Variants in STX8 observed in about 807,000 individuals in gnomAD.
STX8 encodes the protein syntaxin 8, also known as syntaxin-8.
A neutral mutation model predicts 37.5 loss-of-function variants in STX8; 23 were observed. The ratio of observed to expected loss-of-function variants is 0.61; its 90% CI spans 0.44 to 0.87. The LOEUF is 0.87. STX8 is among the 40% of genes least tolerant of loss of function. STX8 has a pLI of 0.00. For synonymous variants in STX8, 115 were observed against 99.1 expected, an observed-to-expected ratio of 1.16 and a Z score of -0.95; for missense variants, 313 against 284.7, an observed-to-expected ratio of 1.10 and a Z score of -0.71.
At chr17:9,312,402 C>T (rs1056604338) in intron 7 of STX8, among the ~76,000 whole-genome samples, 8 of 151,264 alleles carry the variant, frequency 5.3e-5, no homozygotes, top group African/African-American at 1.9e-4. Context: ...GGTTTCTCCA[C>T]GTTGGTCAGG....
At chr17:9,396,411 C>T (rs148070344) in intron 6 of STX8, among the ~76,000 whole-genome samples, 2,910 of 152,012 alleles carry the variant, frequency 0.019, 109 homozygotes, top group African/African-American at 0.067. Context: ...GGGCCGGGCG[C>T]AGTGGCTCAC....
At chr17:9,253,422 G>A (rs1174505257) in intron 7 of STX8, among the ~76,000 whole-genome samples, 1 of 152,110 alleles carries the variant, frequency 6.6e-6, no homozygotes, top group Admixed American at 6.5e-5. Flanking sequence ...CCCTGGGCAG[G>A]AGCTTCACTA....
intron 7 of STX8, among the ~76,000 whole-genome samples, chr17:9,372,419 C>T (rs1567801538): frequency 1.3e-5 from 2 of 152,034 alleles, no homozygotes; most frequent in Non-Finnish European, 2.9e-5. Context: ...TTTGCCTGCC[C>T]CTCTCAGGCT....
At chr17:9,350,779 C>T (rs1365387422) in intron 7 of STX8, among the ~76,000 whole-genome samples, 4 of 152,156 alleles carry the variant, frequency 2.6e-5, no homozygotes, top group Admixed American at 2.0e-4. Context: ...GTGATCCACC[C>T]GCCTTGGCCT....
intron 4 of STX8, among the ~76,000 whole-genome samples, chr17:9,506,021 T>G (rs889997735): frequency 6.6e-6 from 1 of 151,738 alleles, no homozygotes; most frequent in East Asian, 1.9e-4. Context: ...ATTTTGTGAC[T>G]ATAATGTAGC....
At chr17:9,404,391 T>A (rs1912736040) in intron 6 of STX8, among the ~76,000 whole-genome samples, 2 of 152,186 alleles carry the variant, frequency 1.3e-5, no homozygotes, top group South Asian at 4.1e-4. Flanking sequence ...CAATCCTTCT[T>A]CCACTGTTTG....
chr17:9,459,182 A>T (rs540799456), intron 6 of STX8, among the ~76,000 whole-genome samples: 1 of 152,204 alleles, frequency 6.6e-6, no homozygotes, highest in Non-Finnish European at 1.5e-5. Context: ...AGCCATTAAC[A>T]AGACATAGAG....
At chr17:9,460,628 G>A (rs1457164522) in intron 6 of STX8, among the ~76,000 whole-genome samples, 41 of 145,916 alleles carry the variant, frequency 2.8e-4, no homozygotes, top group African/African-American at 9.4e-4. Flanking sequence ...AGCCGAGATC[G>A]TGCCACTGCA....
At chr17:9,278,486 C>T (rs1907762967) in intron 7 of STX8, among the ~76,000 whole-genome samples, 1 of 151,846 alleles carries the variant, frequency 6.6e-6, no homozygotes, top group East Asian at 1.9e-4. Context: ...CTTTAGAATG[C>T]CACAGCTTCT....
At chr17:9,444,856 G>A (rs1309301574) in intron 6 of STX8, among the ~76,000 whole-genome samples, 1 of 152,184 alleles carries the variant, frequency 6.6e-6, no homozygotes, top group African/African-American at 2.4e-5. Flanking sequence ...AATTGAAACA[G>A]ACTCTTTCTT....
At chr17:9,460,888 T>C (rs977062179) in intron 6 of STX8, among the ~76,000 whole-genome samples, 1 of 151,734 alleles carries the variant, frequency 6.6e-6, no homozygotes, top group African/African-American at 2.4e-5. Flanking sequence ...AGCTGTTACA[T>C]GGGAATAATA....
At chr17:9,276,406 A>C (rs957247697) in intron 7 of STX8, among the ~76,000 whole-genome samples, 93 of 152,134 alleles carry the variant, frequency 6.1e-4, no homozygotes, top group Non-Finnish European at 1.2e-4. Context: ...AAGTTTAATT[A>C]ATATATATCC....
Position 9,569,314 on chromosome 17 carries a change from A to T in STX8, c.18-844T>A, listed in dbSNP as rs528859311. On this transcript the variant is annotated intron_variant, in intron 1 of 7. Transcript: ENST00000306357. ...TGTCAGGTGTTGATAGGTGCTAAGA[A>T]GAAAAACGCAGCAGGATAAAGGGAC... Among the ~76,000 whole-genome samples the T allele has an allele frequency of 5.3e-5, 8 of 152,344 alleles. No individual in the cohort carries two copies. The South Asian group carries it at 1.7e-3, about 32-fold the overall frequency.
At chr17:9,392,031 G>A (rs1912240576) in intron 6 of STX8, among the ~76,000 whole-genome samples, 1 of 152,192 alleles carries the variant, frequency 6.6e-6, no homozygotes. Context: ...GCACCTGTGG[G>A]ACAGACCCAA....
At chr17:9,483,387 C>T (rs1906432759) in intron 6 of STX8, among the ~76,000 whole-genome samples, 2 of 152,162 alleles carry the variant, frequency 1.3e-5, no homozygotes, top group Admixed American at 1.3e-4. Context: ...TGGGATCGCA[C>T]TTAGGGTTCA....
At position 9,435,304 on chromosome 17, in the gene STX8, G is replaced by A. The variant is rs190012645; in HGVS notation, c.541+56525C>T. Among the ~76,000 whole-genome samples the A allele has an allele frequency of 9.2e-5, 14 of 152,230 alleles. No individual in the cohort carries two copies. The East Asian group carries it at 2.1e-3, about 23-fold the overall frequency. On this transcript the variant is annotated intron_variant, in intron 6 of 7. Transcript: ENST00000306357. ...AATGTAGAAAAGTACAGATTGAAAC[G>A]TTAACATCTAAAAAAGGCTAGAGCA...
At chr17:9,551,474 A>C (rs903918040) in intron 3 of STX8, among the ~76,000 whole-genome samples, 3 of 152,176 alleles carry the variant, frequency 2.0e-5, no homozygotes, top group Non-Finnish European at 4.4e-5. Flanking sequence ...CTCAAGGAGG[A>C]CTTAGTATAT....
At chr17:9,367,158 T>TTTTTGTTTTTTTTG (rs1477141668) in intron 7 of STX8, among the ~76,000 whole-genome samples, 1 of 146,048 alleles carries the variant, frequency 6.8e-6, no homozygotes, top group Non-Finnish European at 1.5e-5. Context: ...ACAATGTGGG[T>TTTTTGTTTTTTTTG]TTTTGTTTTT....
intron 6 of STX8, among the ~76,000 whole-genome samples, chr17:9,421,591 G>C (rs1913431945): frequency 6.6e-6 from 1 of 151,108 alleles, no homozygotes; most frequent in Non-Finnish European, 1.5e-5. Context: ...CTTTTATTGA[G>C]GTGAAATTCA....
Sources: gnomAD v4.1 joint callset for allele counts (sites outside exome capture counted in the v4.1 genomes callset) on GRCh38, gnomAD v4.1.1 for gene constraint, MANE v1.5 for transcripts, NCBI Gene and HGNC (gene_info 2026-07-23, HGNC 2026-07-21) for gene names.